CNTNAP2: variants seen among roughly 807,000 people sequenced by gnomAD.
CNTNAP2 encodes contactin associated protein 2, also known as contactin-associated protein-like 2.
A neutral mutation model predicts 155.2 loss-of-function variants in CNTNAP2; 98 were observed. The observed-to-expected ratio is 0.63, with a 90% CI of 0.54 to 0.75. The LOEUF is 0.75. Ranked by LOEUF, CNTNAP2 falls within the 30% of genes least tolerant of loss-of-function variation. The pLI is 0.00. For missense variants in CNTNAP2, 1,727 were observed against 1,688.1 expected, an observed-to-expected ratio of 1.02 and a Z score of -0.40; for synonymous variants, 651 against 631.2, an observed-to-expected ratio of 1.03 and a Z score of -0.47.
At position 147,019,995 on chromosome 7, in the gene CNTNAP2, A is replaced by AGTATG. The variant is rs57042757; in HGVS notation, c.403-23892_403-23888dup. Among the ~76,000 whole-genome samples the AGTATG allele has an allele frequency of 1.6e-3, 241 of 151,356 alleles. 2 individuals carry two copies. Among genetic ancestry groups the AGTATG allele is most frequent in the Middle Eastern group, 6.8e-3 (2 of 292 alleles). On this transcript the variant is annotated intron_variant, in intron 3 of 23. Transcript: ENST00000361727. ...TAAGACAATGGAGTAGTATAGATAT[A>AGTATG]GTATGGTATGGTATGGTATGGTATA... is the stretch of plus-strand genomic sequence containing the variant.
intron 8 of CNTNAP2, among the ~76,000 whole-genome samples, chr7:147,198,804 G>A (rs1237310217): frequency 6.6e-6 from 1 of 152,048 alleles, no homozygotes; most frequent in Non-Finnish European, 1.5e-5. Flanking sequence ...TCATTGAAAT[G>A]TCTTTATTAC....
intron 9 of CNTNAP2, among the ~76,000 whole-genome samples, chr7:147,310,462 G>A (rs1382016728): frequency 6.6e-6 from 1 of 152,072 alleles, no homozygotes; most frequent in Non-Finnish European, 1.5e-5. Context: ...TAACACTAAA[G>A]ATAAGTAAAT....
chr7:147,458,055 G>T (rs148736296), intron 10 of CNTNAP2, among the ~76,000 whole-genome samples: 1 of 152,016 alleles, frequency 6.6e-6, no homozygotes, highest in Non-Finnish European at 1.5e-5. Flanking sequence ...TAGGAAAGAG[G>T]TCATCACTTT....
Position 147,485,923 on chromosome 7 carries a change from T to C in CNTNAP2, c.1671-12T>C, listed in dbSNP as rs556095106. On this transcript the variant is annotated splice_polypyrimidine_tract_variant and intron_variant, in intron 10 of 23. Coordinates refer to ENST00000361727, the MANE Select transcript of CNTNAP2 (RefSeq NM_014141.6). ...TTGTTGGTTTATTTCTGTTTGTCTC[T>C]CTCTCTGACAGATGTGTGCCCAATC... 1 of 1,613,520 alleles carries C rather than the reference T, an allele frequency of 6.2e-7. No individual in the cohort carries two copies. Among genetic ancestry groups the C allele is most frequent in the Non-Finnish European group, 8.5e-7 (1 of 1,179,448 alleles).
intron 1 of CNTNAP2, among the ~76,000 whole-genome samples, chr7:146,262,466 C>T (rs1799932625): frequency 6.6e-6 from 1 of 152,078 alleles, no homozygotes; most frequent in Non-Finnish European, 1.5e-5. Context: ...CTTTTGTATG[C>T]CTTTTAAGAT....
At chr7:148,273,823 A>T (rs1796824746) in intron 21 of CNTNAP2, among the ~76,000 whole-genome samples, 1 of 152,192 alleles carries the variant, frequency 6.6e-6, no homozygotes. Flanking sequence ...TTCCAATAGA[A>T]GTGGCTAGTA....
chr7:147,111,906 G>T (rs990318901), intron 5 of CNTNAP2, among the ~76,000 whole-genome samples: 1 of 152,116 alleles, frequency 6.6e-6, no homozygotes, highest in African/African-American at 2.4e-5. Context: ...CTGAAGAATG[G>T]TCAATGGTAG....
intron 1 of CNTNAP2, among the ~76,000 whole-genome samples, chr7:146,177,554 C>G (rs2116830182): frequency 6.6e-6 from 1 of 152,262 alleles, no homozygotes; most frequent in Admixed American, 6.5e-5. Context: ...AGCTGTTATA[C>G]TATTACTTTT....
rs577168918 is a variant in CNTNAP2 at position 146,479,929 on chromosome 7, C to A, written c.98-294342C>A. Among the ~76,000 whole-genome samples the A allele has an allele frequency of 7.2e-5, 11 of 152,218 alleles. No individual in the cohort carries two copies. The East Asian group carries it at 7.7e-4, about 11-fold the overall frequency. ...CCTCCAGAGTAGCTGGGATTACAGG[C>A]GCCCGCCAACACGCCCGGCTAATTT... is the stretch of plus-strand genomic sequence containing the variant. On this transcript the variant is annotated intron_variant, in intron 1 of 23. Transcript: ENST00000361727.
intron 13 of CNTNAP2, among the ~76,000 whole-genome samples, chr7:147,855,252 C>T (rs1439418614): frequency 6.6e-6 from 1 of 151,978 alleles, no homozygotes; most frequent in Non-Finnish European, 1.5e-5. Flanking sequence ...AAGGAGAAAA[C>T]CTTCTGACTC....
chr7:147,049,214 A>T (rs1250895805), intron 4 of CNTNAP2, among the ~76,000 whole-genome samples: 2 of 152,204 alleles, frequency 1.3e-5, no homozygotes, highest in Non-Finnish European at 2.9e-5. Context: ...TGAAGGACGC[A>T]TTCATACCAC....
chr7:148,183,534 C>T (rs2860473), intron 18 of CNTNAP2, among the ~76,000 whole-genome samples: 83,145 of 141,674 alleles, frequency 0.59, 25,080 homozygotes, highest in African/African-American at 0.77. Context: ...CTAGCTGGAG[C>T]GCAGTGGTGC....
chr7:147,405,267 C>G (rs1796986414), intron 10 of CNTNAP2, among the ~76,000 whole-genome samples: 1 of 152,128 alleles, frequency 6.6e-6, no homozygotes, highest in Non-Finnish European at 1.5e-5. Flanking sequence ...ATATTACCTG[C>G]AAAATAAAAA....
rs62481804 is a variant in CNTNAP2, at chr7:147,074,700, C to G, written c.550+30646C>G. On this transcript the variant is annotated intron_variant, in intron 4 of 23. Coordinates refer to ENST00000361727, the MANE Select transcript of CNTNAP2 (RefSeq NM_014141.6). ...TATACATCATATTAAAAATGAAAAT[C>G]AATCATTTAAATAATATTATGGCTC... 3.7e-3 allele frequency among the ~76,000 whole-genome samples: 566 copies of G among 152,140 alleles called. 1 individual carries two copies. Among genetic ancestry groups the G allele is most frequent in the Non-Finnish European group, 7.2e-3 (490 of 67,994 alleles).
At chr7:146,280,780 C>T (rs1431166934) in intron 1 of CNTNAP2, among the ~76,000 whole-genome samples, 7 of 152,180 alleles carry the variant, frequency 4.6e-5, no homozygotes, top group African/African-American at 1.4e-4. Context: ...TTTACTAACT[C>T]CTGGCCTAAT....
At chr7:147,832,141 TTAAA>T (rs1256575355) in intron 13 of CNTNAP2, among the ~76,000 whole-genome samples, 1 of 147,446 alleles carries the variant, frequency 6.8e-6, no homozygotes, top group Non-Finnish European at 1.5e-5. Flanking sequence ...TTTTATATTT[TTAAA>T]TAAATATATA....
intron 18 of CNTNAP2, among the ~76,000 whole-genome samples, chr7:148,196,891 A>C (rs1452313350): frequency 1.3e-5 from 2 of 152,202 alleles, no homozygotes; most frequent in Non-Finnish European, 2.9e-5. Context: ...AACTGCTTGC[A>C]CCAGGGTCCA....
chr7:147,812,396 T>A (rs1011418658), intron 13 of CNTNAP2, among the ~76,000 whole-genome samples: 1 of 151,992 alleles, frequency 6.6e-6, no homozygotes, highest in Non-Finnish European at 1.5e-5. Context: ...TTTACCTTGA[T>A]AGAGGCATTC....
chr7:146,701,024 A>G (rs1800867688), intron 1 of CNTNAP2, among the ~76,000 whole-genome samples: 1 of 141,490 alleles, frequency 7.1e-6, no homozygotes, highest in Admixed American at 7.1e-5. Context: ...TATTTGCCTG[A>G]ATAATATGGA....
Sources: allele counts gnomAD v4.1 joint callset (sites outside exome capture counted in the v4.1 genomes callset), GRCh38; gene constraint gnomAD v4.1.1; transcripts MANE v1.5; gene names NCBI Gene and HGNC (gene_info 2026-07-23, HGNC 2026-07-21).